The following ADCYAP1R1 variants were observed in gnomAD, a reference collection of about 807,000 sequenced individuals.
The protein encoded by ADCYAP1R1 is ADCYAP receptor type I.
In ADCYAP1R1, 44 loss-of-function variants were observed where a neutral mutation model predicts 67.6. The observed-to-expected ratio is 0.65, with a 90% CI of 0.51 to 0.84. The LOEUF (loss-of-function observed/expected upper bound fraction) is 0.84, where lower values mean the gene tolerates loss of function less well. Ranked by LOEUF, ADCYAP1R1 falls within the 40% of genes least tolerant of loss-of-function variation. ADCYAP1R1 has a pLI of 0.00. For synonymous variants in ADCYAP1R1, 222 were observed against 219.6 expected, an observed-to-expected ratio of 1.01 and a Z score of -0.10; for missense variants, 477 against 587.9, an observed-to-expected ratio of 0.81 and a Z score of 1.95.
At chr7:31,085,580 C>A (rs1208077096) in intron 9 of ADCYAP1R1, 138 bp downstream of exon 9, 16 of 1,000,058 alleles carry the variant, frequency 1.6e-5, no homozygotes, top group Non-Finnish European at 1.8e-5. Context: ...TTGCCCCACC[C>A]CCCCGGTTTA....
intron 3 of ADCYAP1R1, among the ~76,000 whole-genome samples, chr7:31,068,289 A>C (rs1451896332): frequency 1.3e-5 from 2 of 152,066 alleles, no homozygotes; most frequent in Non-Finnish European, 2.9e-5. Flanking sequence ...GTAGAGTTTT[A>C]CCCCCACTTA....
chr7:31,077,907 T>C, intron 3 of ADCYAP1R1, 84 bp from the exon 4 acceptor site: 1 of 823,248 alleles, frequency 1.2e-6, no homozygotes, highest in Non-Finnish European at 1.9e-6. Flanking sequence ...GTGGTGTGTA[T>C]GTTGGTGTGT....
intron 3 of ADCYAP1R1, among the ~76,000 whole-genome samples, chr7:31,073,233 A>G (rs1002269780): frequency 6.6e-6 from 1 of 152,230 alleles, no homozygotes; most frequent in African/African-American, 2.4e-5. Context: ...AACCCACTGG[A>G]CTAAGAGCTC....
intron 1 of ADCYAP1R1, among the ~76,000 whole-genome samples, chr7:31,056,469 T>C (rs1435217095): frequency 6.6e-6 from 1 of 152,012 alleles, no homozygotes; most frequent in African/African-American, 2.4e-5. Context: ...GTGAACCAGG[T>C]CCTGCCTTCT....
chr7:31,069,096 A>G (rs1794866566), intron 3 of ADCYAP1R1, among the ~76,000 whole-genome samples: 1 of 152,120 alleles, frequency 6.6e-6, no homozygotes, highest in African/African-American at 2.4e-5. Flanking sequence ...GATCTGTGTT[A>G]AAAGCCTCCA....
chr7:31,105,970 G>A (rs1418719977), intron 15 of ADCYAP1R1, among the ~76,000 whole-genome samples: 1 of 152,128 alleles, frequency 6.6e-6, no homozygotes, highest in Admixed American at 6.5e-5. Flanking sequence ...TTCCCAGAGG[G>A]GTGCATTATT....
chr7:31,053,195 TGGGGTA>T (rs1169994338), intron 1 of ADCYAP1R1, among the ~76,000 whole-genome samples: 4 of 144,498 alleles, frequency 2.8e-5, no homozygotes, highest in Admixed American at 6.9e-5. Flanking sequence ...AGGTGGGGGT[TGGGGTA>T]GGGGCCAGTG....
rs1254988534 is a variant in ADCYAP1R1 at position 31,086,898 on chromosome 7, G to T, written c.824-45G>T. On this transcript the variant is annotated intron_variant, in intron 10 of 15. Coordinates refer to ENST00000304166, the MANE Select transcript of ADCYAP1R1 (RefSeq NM_001118.5). The surrounding 1 kb of genome is among the most constrained non-coding windows in gnomAD (Gnocchi z 5.0). ...CAGGTCTACGGTGGACATTGGACAT[G>T]TTGGTTTTCCTGTTCTCACGGACCT... The T allele has an allele frequency of 3.7e-6, 6 of 1,603,040 alleles. No homozygotes were observed. The highest frequency in any genetic ancestry group is 5.1e-6 in the Non-Finnish European group (6 of 1,169,874).
intron 3 of ADCYAP1R1, 91 bp downstream of exon 3, chr7:31,065,027 G>A (rs1418826246): frequency 1.1e-6 from 1 of 941,732 alleles, no homozygotes. Flanking sequence ...GAGTGGTCAA[G>A]GTATGGGTTT....
intron 13 of ADCYAP1R1, among the ~76,000 whole-genome samples, chr7:31,093,154 G>C (rs913385696): frequency 6.6e-5 from 10 of 152,196 alleles, no homozygotes; most frequent in African/African-American, 2.2e-4. Context: ...CCAGACTGTG[G>C]AAGTTGCCCA....
At chr7:31,058,649 G>A (rs1429411775) in intron 1 of ADCYAP1R1, among the ~76,000 whole-genome samples, 1 of 152,184 alleles carries the variant, frequency 6.6e-6, no homozygotes, top group Non-Finnish European at 1.5e-5. Context: ...TGTTGTGTCT[G>A]TAACTAACTC....
At chr7:31,095,070 C>T (rs899769589) in intron 13 of ADCYAP1R1, among the ~76,000 whole-genome samples, 5 of 152,036 alleles carry the variant, frequency 3.3e-5, no homozygotes, top group African/African-American at 1.2e-4. Flanking sequence ...CCCTGTCGGC[C>T]AAAGTGAGTA....
chr7:31,094,722 C>A (rs566772279), intron 13 of ADCYAP1R1, among the ~76,000 whole-genome samples: 1 of 152,240 alleles, frequency 6.6e-6, no homozygotes, highest in Non-Finnish European at 1.5e-5. Flanking sequence ...TTCAGGTTCT[C>A]CACGGACCAG....
At chr7:31,094,621 T>G (rs550304996) in intron 13 of ADCYAP1R1, among the ~76,000 whole-genome samples, 1 of 152,208 alleles carries the variant, frequency 6.6e-6, no homozygotes, top group East Asian at 1.9e-4. Context: ...GATACCCTAC[T>G]GAACCCTGAA....
intron 3 of ADCYAP1R1, among the ~76,000 whole-genome samples, chr7:31,065,788 G>C (rs1298453230): frequency 6.6e-6 from 1 of 152,178 alleles, no homozygotes; most frequent in East Asian, 1.9e-4. Context: ...GACTGGCTCC[G>C]TGCTGCCTAA....
chr7:31,092,408 C>T (rs75083000), intron 12 of ADCYAP1R1, among the ~76,000 whole-genome samples: 6,958 of 152,088 alleles, frequency 0.046, 538 homozygotes, highest in African/African-American at 0.16. Context: ...TTCTGACTTA[C>T]TCATGATGTC....
chr7:31,103,497 C>G, intron 14 of ADCYAP1R1, 131 bp downstream of exon 14: 1 of 1,258,512 alleles, frequency 7.9e-7, no homozygotes, highest in African/African-American at 1.5e-5. Context: ...TGAGGGAGCC[C>G]TGTCTGCTGT....
chr7:31,088,431 A>C (rs1795838492), intron 12 of ADCYAP1R1, among the ~76,000 whole-genome samples: 1 of 152,202 alleles, frequency 6.6e-6, no homozygotes, highest in Non-Finnish European at 1.5e-5. Context: ...GCCTTTCCCA[A>C]CCCAAGACAT....
chr7:31,086,887 A>G lies in ADCYAP1R1; in HGVS notation c.824-56A>G. The G allele has an allele frequency of 6.4e-7, 1 of 1,569,990 alleles. No homozygotes were observed. The highest frequency in any genetic ancestry group is 8.8e-7 in the Non-Finnish European group (1 of 1,139,998). On this transcript the variant is annotated intron_variant, in intron 10 of 15. Transcript: ENST00000304166. The surrounding 1 kb of genome is among the most constrained non-coding windows in gnomAD (Gnocchi z 5.0). ...TCTCGGAGCCCCAGGTCTACGGTGG[A>G]CATTGGACATGTTGGTTTTCCTGTT...
Sources: gnomAD v4.1 joint callset for allele counts (sites outside exome capture counted in the v4.1 genomes callset) on GRCh38, gnomAD v4.1.1 for gene constraint, Gnocchi (gnomAD v3.1) non-coding constraint, MANE v1.5 for transcripts, NCBI Gene and HGNC (gene_info 2026-07-23, HGNC 2026-07-21) for gene names.